The following ASIC2 variants were observed in gnomAD, a reference collection of about 807,000 sequenced individuals.
The protein encoded by ASIC2 is acid-sensing ion channel 2.
A neutral mutation model predicts 57.3 loss-of-function variants in ASIC2; 25 were observed. The ratio of observed to expected loss-of-function variants is 0.44; its 90% confidence interval spans 0.32 to 0.61. The LOEUF is 0.61. Ranked by LOEUF, ASIC2 falls within the 20% of genes least tolerant of loss-of-function variation. The pLI is 0.06. For missense variants in ASIC2, 641 were observed against 738.1 expected (o/e 0.87, Z 1.52); for synonymous variants, 319 against 307.5 (o/e 1.04, Z -0.39).
chr17:33,020,644 T>C (rs2091831717), intron 7 of ASIC2, among the ~76,000 whole-genome samples: 1 of 152,158 alleles, frequency 6.6e-6, no homozygotes, highest in Admixed American at 6.5e-5. Context: ...TGCGAACTTT[T>C]GTGGGGTGGC....
At chr17:33,718,450 G>C (rs1447351293) in intron 1 of ASIC2, among the ~76,000 whole-genome samples, 2 of 152,032 alleles carry the variant, frequency 1.3e-5, no homozygotes, top group African/African-American at 4.8e-5. Flanking sequence ...TCCCTCATCT[G>C]CCAGGTGTCT....
chr17:33,487,077 T>C (rs1236577185), intron 1 of ASIC2, among the ~76,000 whole-genome samples: 1 of 152,208 alleles, frequency 6.6e-6, no homozygotes, highest in East Asian at 1.9e-4. Flanking sequence ...ACAAACACCA[T>C]CTGATATGAT....
intron 1 of ASIC2, chr17:33,792,206 CCAG>C (rs1911793772): frequency 6.6e-6 from 1 of 152,178 alleles, no homozygotes; most frequent in Non-Finnish European, 1.5e-5. Flanking sequence ...CCTAGGTAAC[CCAG>C]TGGGTAGTGG....
intron 1 of ASIC2, among the ~76,000 whole-genome samples, chr17:33,566,448 C>A (rs945164024): frequency 2.0e-5 from 3 of 152,184 alleles, no homozygotes; most frequent in Non-Finnish European, 4.4e-5. Flanking sequence ...GCTGTCCATA[C>A]ATTGTGGCTG....
intron 1 of ASIC2, among the ~76,000 whole-genome samples, chr17:34,120,738 T>C (rs12946317): frequency 0.012 from 1,393 of 119,008 alleles, 14 homozygotes; most frequent in African/African-American, 0.027. Context: ...TTTTTTTTTT[T>C]CTTTTTTTTT....
intron 1 of ASIC2, among the ~76,000 whole-genome samples, chr17:33,265,368 G>A (rs143046495): frequency 2.0e-5 from 3 of 152,326 alleles, no homozygotes; most frequent in Non-Finnish European, 4.4e-5. Context: ...GGACATGGAT[G>A]GAGCTGGAAG....
intron 1 of ASIC2, among the ~76,000 whole-genome samples, chr17:33,416,214 C>A (rs893709886): frequency 2.6e-5 from 4 of 152,296 alleles, no homozygotes; most frequent in African/African-American, 9.6e-5. Context: ...TTTTATGAGG[C>A]CAGAATCAAG....
chr17:33,604,696 C>G (rs1905185407), intron 1 of ASIC2, among the ~76,000 whole-genome samples: 1 of 151,884 alleles, frequency 6.6e-6, no homozygotes, highest in Non-Finnish European at 1.5e-5. Flanking sequence ...CCCAGGAGAG[C>G]CAGGTAGATG....
In ASIC2 at chr17:33,013,974, A is replaced by G. The variant is rs765222204; in HGVS notation, c.1683T>C (p.Ile561=). Residue 561 remains isoleucine, a synonymous_variant, in exon 10 of 10, where the codon ATT becomes ATC. Transcript: ENST00000225823. ...GGTGACTCGAGGGGTGTCAGCAGGC[A>G]ATCTCCTCCAAGGTCCCCAGGGTCG... ...LQTTLGTLEE[I]AC is the part of the protein sequence containing the mutation. The G allele has an allele frequency of 5.0e-6, 8 of 1,592,186 alleles. No homozygotes were observed. In the Admixed American group the frequency reaches 5.2e-5, roughly 10 times the overall value.
chr17:34,081,123 G>A (rs923007348), intron 1 of ASIC2: 2 of 152,184 alleles, frequency 1.3e-5, no homozygotes, highest in Non-Finnish European at 1.5e-5. Flanking sequence ...TGAGCTCCAG[G>A]GGCCAATTGC....
intron 1 of ASIC2, among the ~76,000 whole-genome samples, chr17:33,711,838 G>C (rs752414143): frequency 6.6e-6 from 1 of 152,144 alleles, no homozygotes; most frequent in African/African-American, 2.4e-5. Context: ...TTCAACATGA[G>C]ATTTGGGTGG....
chr17:33,187,471 C>CA (rs1234299771), intron 1 of ASIC2, among the ~76,000 whole-genome samples: 2 of 151,808 alleles, frequency 1.3e-5, no homozygotes, highest in Non-Finnish European at 2.9e-5. Context: ...TTCTCATTGG[C>CA]AAAAAAATGT....
chr17:33,291,638 G>A lies in ASIC2; in HGVS notation c.478C>T (p.Leu160=). 1 of 1,609,990 alleles carries A rather than the reference G, an allele frequency of 6.2e-7. No homozygotes were observed. The highest frequency in any genetic ancestry group is 8.5e-7 in the Non-Finnish European group (1 of 1,178,464). The part of the protein sequence containing the change: ...DLYYAGHWLG[L]LLPNRTARPL... ...CGCGCGGTGCGGTTGGGCAGCAGCA[G>A]CCCGAGCCAGTGGCCGGCATAGTAG... Residue 160 remains leucine (L), a synonymous_variant, in exon 1 of 10, where the codon CTG becomes TTG. Transcript: ENST00000225823.
chr17:33,176,369 C>T (rs542287787), intron 1 of ASIC2, among the ~76,000 whole-genome samples: 5 of 152,286 alleles, frequency 3.3e-5, no homozygotes, highest in African/African-American at 1.2e-4. Context: ...GAGATAGGGT[C>T]TCACCTGCTT....
At chr17:33,443,536 C>T (rs1265490121) in intron 1 of ASIC2, among the ~76,000 whole-genome samples, 4 of 147,620 alleles carry the variant, frequency 2.7e-5, no homozygotes, top group African/African-American at 5.0e-5. Context: ...GCCTCAGCCT[C>T]CCAAGTAGCT....
At chr17:34,075,905 T>C (rs1373957758) in intron 1 of ASIC2, among the ~76,000 whole-genome samples, 2 of 139,802 alleles carry the variant, frequency 1.4e-5, no homozygotes, top group African/African-American at 2.6e-5. Context: ...CATAGCTCAC[T>C]GCAACCTCTG....
chr17:33,291,491 C>G lies in ASIC2; in HGVS notation c.625G>C (p.Asp209His). The change falls in exon 1 of 10, where the codon GAC (aspartate) becomes CAC (histidine). Residue 209 changes from aspartate (D) to histidine (H), a missense_variant. Asp to His is a moderately conservative substitution (Grantham distance 81). This residue lies in a region of ASIC2 where 382 missense variants were observed against 398.0 expected (regional missense o/e 0.96). Transcript: ENST00000225823. Reference protein sequence around the residue: ...HFEGISAAFMDRLGHQLEDML... With the variant: ...HFEGISAAFMHRLGHQLEDML... ...TCCTCCAGCTGGTGGCCCAGGCGGT[C>G]CATGAAGGCGGCGCTGATTCCCTCG... The G allele has an allele frequency of 6.2e-7, 1 of 1,612,702 alleles. No homozygotes were observed. The highest frequency in any genetic ancestry group is 8.5e-7 in the Non-Finnish European group (1 of 1,179,790).
chr17:33,422,186 A>G (rs578215114), intron 1 of ASIC2, among the ~76,000 whole-genome samples: 85 of 152,284 alleles, frequency 5.6e-4, no homozygotes, highest in African/African-American at 1.9e-3. Flanking sequence ...CTGCAATTTC[A>G]TTGCAAGTTC....
At chr17:33,539,482 T>A (rs1915338440) in intron 1 of ASIC2, among the ~76,000 whole-genome samples, 1 of 152,216 alleles carries the variant, frequency 6.6e-6, no homozygotes, top group Admixed American at 6.5e-5. Flanking sequence ...CAGCTCCAAA[T>A]GCAAAGATCT....
Sources: gnomAD v4.1 joint callset for allele counts (sites outside exome capture counted in the v4.1 genomes callset) on GRCh38, gnomAD v4.1.1 for gene constraint, gnomAD v4.1.1 regional missense constraint, MANE v1.5 for transcripts, NCBI Gene and HGNC (gene_info 2026-07-23, HGNC 2026-07-21) for gene names.